Variants in ST6GALNAC3 observed in about 807,000 individuals in gnomAD.
ST6GALNAC3 encodes the protein ST6 N-acetylgalactosaminide alpha-2,6-sialyltransferase 3.
ST6GALNAC3 carries 25 observed loss-of-function variants against 32.7 expected under a neutral mutation model. The observed-to-expected ratio is 0.76, with a 90% CI of 0.56 to 1.07. The LOEUF (loss-of-function observed/expected upper bound fraction) is 1.07. Ranked by LOEUF, ST6GALNAC3 falls within the 50% of genes least tolerant of loss-of-function variation. The pLI, the probability that ST6GALNAC3 is intolerant of heterozygous loss-of-function variation, is 0.00. For missense variants in ST6GALNAC3, 355 were observed against 382.4 expected (o/e 0.93, Z 0.60); for synonymous variants, 129 against 133.1 (o/e 0.97, Z 0.21).
At chr1:76,358,689 C>T (rs1268246158) in intron 2 of ST6GALNAC3, among the ~76,000 whole-genome samples, 1 of 152,100 alleles carries the variant, frequency 6.6e-6, no homozygotes, top group Non-Finnish European at 1.5e-5. Context: ...CCTTATTTCC[C>T]TGGGTAAGAG....
intron 1 of ST6GALNAC3, among the ~76,000 whole-genome samples, chr1:76,256,666 G>A (rs148234863): frequency 8.6e-5 from 13 of 152,030 alleles, no homozygotes; most frequent in Admixed American, 5.9e-4. Context: ...ATGTGTTCAC[G>A]GGATGACAGC....
chr1:76,333,638 CTT>C (rs1647253907), intron 2 of ST6GALNAC3, among the ~76,000 whole-genome samples: 1 of 152,182 alleles, frequency 6.6e-6, no homozygotes, highest in African/African-American at 2.4e-5. Flanking sequence ...TTGCCTCACT[CTT>C]CAGTGAATCT....
At chr1:76,243,845 C>T (rs1657104114) in intron 1 of ST6GALNAC3, among the ~76,000 whole-genome samples, 1 of 152,208 alleles carries the variant, frequency 6.6e-6, no homozygotes, top group Non-Finnish European at 1.5e-5. Flanking sequence ...GTTTTGGTTA[C>T]TGTAGCCTTA....
intron 1 of ST6GALNAC3, among the ~76,000 whole-genome samples, chr1:76,281,158 C>G (rs1659473956): frequency 6.6e-6 from 1 of 152,148 alleles, no homozygotes. Flanking sequence ...TGTGCCGACA[C>G]CTTAATTCAA....
At chr1:76,190,043 G>A (rs985532731) in intron 1 of ST6GALNAC3, among the ~76,000 whole-genome samples, 21 of 151,912 alleles carry the variant, frequency 1.4e-4, no homozygotes, top group African/African-American at 4.6e-4. Context: ...TCTGACTTTT[G>A]GGGTAGAGTT....
At chr1:76,410,421 ACTCT>A (rs1214507460) in intron 2 of ST6GALNAC3, among the ~76,000 whole-genome samples, 1 of 151,418 alleles carries the variant, frequency 6.6e-6, no homozygotes, top group Non-Finnish European at 1.5e-5. Flanking sequence ...TACTCCACCA[ACTCT>A]CTCTCTCTCA....
intron 2 of ST6GALNAC3, among the ~76,000 whole-genome samples, chr1:76,363,126 A>G (rs1179344002): frequency 1.3e-5 from 2 of 152,214 alleles, no homozygotes; most frequent in Non-Finnish European, 2.9e-5. Context: ...CTAAACTTTT[A>G]TGCTGTGCTT....
At chr1:76,448,278 G>A (rs1657132059) in intron 3 of ST6GALNAC3, among the ~76,000 whole-genome samples, 1 of 152,176 alleles carries the variant, frequency 6.6e-6, no homozygotes, top group Non-Finnish European at 1.5e-5. Flanking sequence ...CTTTTGAATG[G>A]CTGTATTTAC....
chr1:76,202,795 G>A (rs2100546168), intron 1 of ST6GALNAC3, among the ~76,000 whole-genome samples: 1 of 152,242 alleles, frequency 6.6e-6, no homozygotes, highest in South Asian at 2.1e-4. Context: ...TATTTTCAAT[G>A]TACTGATTTG....
At chr1:76,366,567 C>T (rs183638728) in intron 2 of ST6GALNAC3, among the ~76,000 whole-genome samples, 5 of 152,244 alleles carry the variant, frequency 3.3e-5, no homozygotes, top group East Asian at 1.9e-4. Context: ...TTGGCTTGAC[C>T]GCTTCCATAT....
At chr1:76,417,529 A>G (rs1055413334) in intron 3 of ST6GALNAC3, among the ~76,000 whole-genome samples, 5 of 152,180 alleles carry the variant, frequency 3.3e-5, no homozygotes, top group African/African-American at 7.2e-5. Context: ...GCCACACTTA[A>G]CAATGAAGAA....
intron 1 of ST6GALNAC3, among the ~76,000 whole-genome samples, chr1:76,190,707 A>T (rs1419854457): frequency 6.6e-6 from 1 of 152,200 alleles, no homozygotes; most frequent in Non-Finnish European, 1.5e-5. Flanking sequence ...CAGAGGTCTC[A>T]TCATTGTAAG....
At chr1:76,573,174 A>G (rs1646738074) in intron 3 of ST6GALNAC3, among the ~76,000 whole-genome samples, 1 of 152,086 alleles carries the variant, frequency 6.6e-6, no homozygotes, top group South Asian at 2.1e-4. Context: ...TCCAGGGGGC[A>G]TGCAAGGCGA....
At chr1:76,181,892 C>G (rs1381373673) in intron 1 of ST6GALNAC3, among the ~76,000 whole-genome samples, 1 of 152,098 alleles carries the variant, frequency 6.6e-6, no homozygotes, top group African/African-American at 2.4e-5. Flanking sequence ...AAATCAGGAA[C>G]CAGCTGGAGG....
intron 1 of ST6GALNAC3, among the ~76,000 whole-genome samples, chr1:76,124,583 C>T (rs768496870): frequency 3.9e-5 from 6 of 152,184 alleles, no homozygotes; most frequent in African/African-American, 2.4e-5. Context: ...CAGCTGTCAT[C>T]TGCTCTACTC....
intron 1 of ST6GALNAC3, among the ~76,000 whole-genome samples, chr1:76,131,886 G>A (rs1649632582): frequency 6.6e-6 from 1 of 152,128 alleles, no homozygotes; most frequent in South Asian, 2.1e-4. Context: ...CTGGTTTTCA[G>A]TGTCATGGCT....
At chr1:76,505,247 C>T (rs751982274) in intron 3 of ST6GALNAC3, among the ~76,000 whole-genome samples, 10 of 151,810 alleles carry the variant, frequency 6.6e-5, no homozygotes, top group Non-Finnish European at 1.5e-4. Context: ...CTCAGTCTCC[C>T]GAGTAGCTGG....
chr1:76,587,668 C>T (rs1336952237), intron 3 of ST6GALNAC3, among the ~76,000 whole-genome samples: 2 of 152,112 alleles, frequency 1.3e-5, no homozygotes, highest in Non-Finnish European at 2.9e-5. Context: ...TATGATAATC[C>T]AGGAAAAGCA....
intron 2 of ST6GALNAC3, among the ~76,000 whole-genome samples, chr1:76,332,300 C>G (rs1647202887): frequency 6.6e-6 from 1 of 152,184 alleles, no homozygotes; most frequent in Non-Finnish European, 1.5e-5. Context: ...TTTCTATTCA[C>G]TGAAGTTGTG....
Sources: gnomAD v4.1 joint callset for allele counts (sites outside exome capture counted in the v4.1 genomes callset) on GRCh38, gnomAD v4.1.1 for gene constraint, MANE v1.5 for transcripts, NCBI Gene and HGNC (gene_info 2026-07-23, HGNC 2026-07-21) for gene names.